Variants in UNC79 observed in about 807,000 individuals in gnomAD.
UNC79 encodes the protein protein unc-79 homolog.
Under a neutral mutation model 283.1 loss-of-function variants are expected in UNC79, and 37 were observed. The observed-to-expected ratio is 0.13, with a 90% CI of 0.10 to 0.17. The LOEUF is 0.17. UNC79 is among the 10% of genes least tolerant of loss of function. The pLI, the probability that UNC79 is intolerant of heterozygous loss-of-function variation, is 1.00. For synonymous variants in UNC79, 1,107 were observed against 1,200.2 expected (o/e 0.92, Z 1.61); for missense variants, 2,272 against 3,211.1 (o/e 0.71, Z 7.07).
At chr14:93,481,080 C>T (rs1426285646) in intron 4 of UNC79, among the ~76,000 whole-genome samples, 2 of 152,118 alleles carry the variant, frequency 1.3e-5, no homozygotes, top group Non-Finnish European at 1.5e-5. Context: ...AGATTTCCTC[C>T]TTACCATCCT....
chr14:93,489,488 A>G (rs2058619336), intron 5 of UNC79, among the ~76,000 whole-genome samples: 1 of 152,228 alleles, frequency 6.6e-6, no homozygotes, highest in Non-Finnish European at 1.5e-5. Flanking sequence ...CCAATATACA[A>G]TGGTTGGACA....
chr14:93,677,640 C>G (rs2073460172), intron 41 of UNC79, among the ~76,000 whole-genome samples: 1 of 152,070 alleles, frequency 6.6e-6, no homozygotes, highest in Admixed American at 6.6e-5. Flanking sequence ...AACGTTGTTT[C>G]TCTTGTGAGT....
At chr14:93,577,891 G>C in exon 18 of UNC79, 1 of 1,614,202 alleles carries the variant, frequency 6.2e-7, no homozygotes, top group Non-Finnish European at 8.5e-7. Context: ...AATATGCTTA[G>C]TCCATTTCAT....
chr14:93,426,727 G>A (rs2055739300), upstream of UNC79, among the ~76,000 whole-genome samples: 1 of 150,104 alleles, frequency 6.7e-6, no homozygotes, highest in African/African-American at 2.4e-5. Context: ...TAAAAATATA[G>A]TCTCAATTTC....
At chr14:93,529,383 G>GC (rs2060695569) in intron 10 of UNC79, 57 bp downstream of exon 10, 2 of 1,572,136 alleles carry the variant, frequency 1.3e-6, no homozygotes, top group Non-Finnish European at 1.7e-6. Flanking sequence ...TGACATAGTT[G>GC]CTTTATCTCC....
At position 93,378,271 on chromosome 14, in the gene UNC79, C is replaced by T. The variant is rs537847706; in HGVS notation, c.-351+44748C>T. On this transcript the variant is annotated intron_variant, in intron 1 of 49. Coordinates refer to the UNC79 transcript ENST00000256339. The stretch of plus-strand genomic sequence containing the variant: ...GGTGGGAACACACTTGCCCAGAGAC[C>T]TGTATTGACTTCTTGAGGATTGGCA... 1.1e-4 allele frequency among the ~76,000 whole-genome samples: 17 copies of T among 152,306 alleles called. No homozygotes were observed. The South Asian group carries it at 3.5e-3, about 32-fold the overall frequency.
At chr14:93,431,079 G>A (rs1348756699) in intron 1 of UNC79, 28 bp downstream of exon 1, 2 of 700,096 alleles carry the variant, frequency 2.9e-6, no homozygotes, top group Non-Finnish European at 5.2e-6. Context: ...CGGCATTCCG[G>A]CCCGGCCTCG....
Position 93,617,213 on chromosome 14 carries a change from A to G in UNC79, c.4133A>G (p.Tyr1378Cys). Residue 1378 changes from tyrosine to cysteine, a missense_variant, in exon 28 of 49, where the codon TAT becomes TGT. By Grantham distance (194) the Tyr-to-Cys change is radical. This residue lies in a region of UNC79 where 128 missense variants were observed against 230.3 expected (regional missense o/e 0.56). Coordinates refer to ENST00000555664, the Ensembl canonical transcript of UNC79. The surrounding 1 kb of genome is among the most constrained non-coding windows in gnomAD (Gnocchi z 4.5). ...TGCTCTTGTCCTCAACTCCGGCATT[A>G]TTTCCAACAGCCGCCTCGTTGCTCC... 1 of 1,614,162 alleles carries G rather than the reference A, an allele frequency of 6.2e-7. No homozygotes were observed. Among genetic ancestry groups the G allele is most frequent in the Non-Finnish European group, 8.5e-7 (1 of 1,180,030 alleles).
At position 93,430,928 on chromosome 14, in the gene UNC79, G is replaced by C; in HGVS notation, c.-102G>C. The C allele has an allele frequency of 2.2e-6, 1 of 445,746 alleles. No homozygotes were observed. The highest frequency in any genetic ancestry group is 4.4e-6 in the Non-Finnish European group (1 of 226,190). 27.6% of individuals were successfully genotyped at this position (445,746 alleles called of 1,614,324 possible). On this transcript the variant is annotated 5_prime_UTR_variant, in exon 1 of 49. Coordinates refer to ENST00000555664, the Ensembl canonical transcript of UNC79. This position sits in a 1 kb window ranked among gnomAD's most constrained non-coding sequence, Gnocchi z 4.6. ...GGGAGGGGGAAAGCGAGGGGGTGGG[G>C]GGTGGGGGGTATGCACTCTTTTCCT... is the stretch of plus-strand genomic sequence containing the variant.
At position 93,586,744 on chromosome 14, in the gene UNC79, G is replaced by A; in HGVS notation, c.2884-16G>A. Reference sequence around the variant, plus strand: ...CTGTTTTGGATAACTTAGTAACCATGTGGTTTTTTGTATAGGAAATGGCTA... The same window carrying A: ...CTGTTTTGGATAACTTAGTAACCATATGGTTTTTTGTATAGGAAATGGCTA... On this transcript the variant is annotated splice_polypyrimidine_tract_variant and intron_variant, in intron 21 of 48. Transcript: ENST00000555664. The A allele has an allele frequency of 6.2e-7, 1 of 1,613,110 alleles. No homozygotes were observed. The highest frequency in any genetic ancestry group is 1.7e-5 in the Admixed American group (1 of 59,944).
intron 1 of UNC79, among the ~76,000 whole-genome samples, chr14:93,464,764 C>A (rs1002615895): frequency 5.9e-5 from 9 of 152,138 alleles, no homozygotes; most frequent in African/African-American, 2.2e-4. Flanking sequence ...CGAGCCTCCG[C>A]AGCAGCAGTC....
At chr14:93,346,430 T>C (rs1206792896) in intron 1 of UNC79, among the ~76,000 whole-genome samples, 1 of 152,202 alleles carries the variant, frequency 6.6e-6, no homozygotes, top group Non-Finnish European at 1.5e-5. Context: ...AGAGGATGGC[T>C]TGAGCCCAGG....
At chr14:93,449,089 A>C (rs899724279) in intron 1 of UNC79, among the ~76,000 whole-genome samples, 2 of 152,174 alleles carry the variant, frequency 1.3e-5, no homozygotes, top group African/African-American at 4.8e-5. Context: ...GGCTATAAGC[A>C]GTCTGTCCCC....
At chr14:93,547,595 G>C (rs2061665637) in intron 14 of UNC79, among the ~76,000 whole-genome samples, 1 of 152,122 alleles carries the variant, frequency 6.6e-6, no homozygotes, top group Non-Finnish European at 1.5e-5. Context: ...TAAATATAGG[G>C]AGCAACACAA....
rs570003845 is a variant in UNC79, at chr14:93,434,722, C to T, written c.22+3671C>T. Among the ~76,000 whole-genome samples, 149 of 152,242 alleles carry T rather than the reference C, an allele frequency of 9.8e-4. 1 individual carries two copies. The highest frequency in any genetic ancestry group is 3.4e-3 in the African/African-American group (140 of 41,532). ...TGTCTCTAAGCCCTGACTACATCCT[C>T]TATAAAATGGGGATAGTTATAGTTG... On this transcript the variant is annotated intron_variant, in intron 1 of 48. Transcript: ENST00000555664.
chr14:93,540,408 A>T (rs2061319989), intron 12 of UNC79, among the ~76,000 whole-genome samples: 1 of 152,126 alleles, frequency 6.6e-6, no homozygotes, highest in Non-Finnish European at 1.5e-5. Flanking sequence ...TGATTGGAGG[A>T]ACTAGCCTCT....
intron 1 of UNC79, chr14:93,347,964 G>A (rs2053899367): frequency 4.1e-6 from 4 of 975,072 alleles, no homozygotes; most frequent in African/African-American, 3.2e-5. Context: ...AGCACTTTTT[G>A]TTAGGCAGCA....
chr14:93,570,092 G>A (rs7143897), intron 14 of UNC79, among the ~76,000 whole-genome samples: 89,686 of 151,876 alleles, frequency 0.59, 27,333 homozygotes, highest in Admixed American at 0.67. Flanking sequence ...AACTACAGGT[G>A]CATACCACCA....
chr14:93,373,696 A>T (rs1412826968), intron 1 of UNC79, among the ~76,000 whole-genome samples: 1 of 152,246 alleles, frequency 6.6e-6, no homozygotes, highest in Non-Finnish European at 1.5e-5. Flanking sequence ...AATCATACCA[A>T]TTCTTGACAA....
Sources: gnomAD v4.1 joint callset for allele counts (sites outside exome capture counted in the v4.1 genomes callset) on GRCh38, gnomAD v4.1.1 for gene constraint, gnomAD v4.1.1 regional missense constraint, Gnocchi (gnomAD v3.1) non-coding constraint, MANE v1.5 for transcripts, NCBI Gene and HGNC (gene_info 2026-07-23, HGNC 2026-07-21) for gene names.